Variants in HIBADH observed in about 807,000 individuals in gnomAD.
The protein encoded by HIBADH is 3-hydroxyisobutyrate dehydrogenase.
Under a neutral mutation model 36.1 loss-of-function variants are expected in HIBADH, and 25 were observed. The ratio of observed to expected loss-of-function variants is 0.69; its 90% confidence interval spans 0.50 to 0.97. The LOEUF (loss-of-function observed/expected upper bound fraction) is 0.97, where lower values mean the gene tolerates loss of function less well. Among genes scored for constraint, HIBADH ranks in the 50% least tolerant of loss-of-function variants. HIBADH has a pLI of 0.00. For synonymous variants in HIBADH, 160 were observed against 149.5 expected (o/e 1.07, Z -0.51); for missense variants, 421 against 418.0 (o/e 1.01, Z -0.06).
chr7:27,609,832 T>A (rs1473441538), intron 4 of HIBADH, among the ~76,000 whole-genome samples: 1 of 152,084 alleles, frequency 6.6e-6, no homozygotes, highest in Non-Finnish European at 1.5e-5. Flanking sequence ...TTTATTTATT[T>A]TTTGAGACAG....
At chr7:27,602,399 A>G (rs975918963) in intron 4 of HIBADH, among the ~76,000 whole-genome samples, 1 of 152,168 alleles carries the variant, frequency 6.6e-6, no homozygotes, top group Non-Finnish European at 1.5e-5. Context: ...CTCCGTTAAG[A>G]CTATCAGATT....
chr7:27,655,622 T>C (rs944162383), intron 1 of HIBADH, among the ~76,000 whole-genome samples: 2 of 152,142 alleles, frequency 1.3e-5, no homozygotes, highest in Non-Finnish European at 2.9e-5. Flanking sequence ...AAAAACACTC[T>C]AACACATGAC....
intron 4 of HIBADH, among the ~76,000 whole-genome samples, chr7:27,576,906 T>C (rs1784718938): frequency 6.6e-6 from 1 of 152,198 alleles, no homozygotes; most frequent in African/African-American, 2.4e-5. Context: ...ACAATTGTCA[T>C]GCTACTATCT....
chr7:27,623,422 G>T (rs1437198737), intron 4 of HIBADH, among the ~76,000 whole-genome samples: 1 of 152,126 alleles, frequency 6.6e-6, no homozygotes, highest in Admixed American at 6.5e-5. Context: ...GAAAGAGAAA[G>T]AAATAAAAGT....
At position 27,592,023 on chromosome 7, in the gene HIBADH, TTG is replaced by T. The variant is rs1421567257; in HGVS notation, c.484+37346_484+37347del. ...AAACTTCCATATTTAAGCAAAAACA[TTG>T]TGTTATTTCACATTTCTGTATCTTT... On this transcript the variant is annotated intron_variant, in intron 4 of 7. Coordinates refer to ENST00000265395, the MANE Select transcript of HIBADH (RefSeq NM_152740.4). 5.3e-5 allele frequency among the ~76,000 whole-genome samples: 8 copies of T among 152,314 alleles called. No individual in the cohort carries two copies. In the East Asian group the frequency reaches 1.2e-3, roughly 22 times the overall value.
chr7:27,566,467 T>C (rs544971361), intron 4 of HIBADH, among the ~76,000 whole-genome samples: 1 of 152,270 alleles, frequency 6.6e-6, no homozygotes, highest in South Asian at 2.1e-4. Context: ...AATTTGTGTC[T>C]TATTTTTTGG....
chr7:27,554,216 C>T (rs1167151497), intron 4 of HIBADH, among the ~76,000 whole-genome samples: 1 of 152,166 alleles, frequency 6.6e-6, no homozygotes, highest in Non-Finnish European at 1.5e-5. Context: ...GAACTCCTGA[C>T]CTCAGGTGAT....
At chr7:27,526,532 T>C (rs1783901095) in intron 7 of HIBADH, among the ~76,000 whole-genome samples, 160 bp from the exon 8 acceptor site, 1 of 152,200 alleles carries the variant, frequency 6.6e-6, no homozygotes, top group African/African-American at 2.4e-5. Context: ...ATAAGCGCTT[T>C]CATATAACTG....
At chr7:27,637,246 G>C (rs1583612522) in intron 2 of HIBADH, among the ~76,000 whole-genome samples, 3 of 152,256 alleles carry the variant, frequency 2.0e-5, no homozygotes, top group East Asian at 3.9e-4. Context: ...TAAGTAATCT[G>C]AAGTCACACA....
intron 1 of HIBADH, among the ~76,000 whole-genome samples, chr7:27,661,879 G>T (rs1442369563): frequency 6.6e-6 from 1 of 152,046 alleles, no homozygotes; most frequent in Non-Finnish European, 1.5e-5. Flanking sequence ...GGTCTTGCTG[G>T]GAATATCCTG....
At chr7:27,551,058 C>A (rs1372026875) in intron 4 of HIBADH, among the ~76,000 whole-genome samples, 1 of 152,054 alleles carries the variant, frequency 6.6e-6, no homozygotes, top group African/African-American at 2.4e-5. Flanking sequence ...CTCAGTTTGG[C>A]CAATCTACAA....
chr7:27,620,522 C>T (rs1039865268), intron 4 of HIBADH, among the ~76,000 whole-genome samples: 1 of 151,684 alleles, frequency 6.6e-6, no homozygotes, highest in Non-Finnish European at 1.5e-5. Context: ...AAAAAAAAAC[C>T]CTGGCAGCCA....
chr7:27,620,554 T>C (rs981970999), intron 4 of HIBADH, among the ~76,000 whole-genome samples: 4 of 149,392 alleles, frequency 2.7e-5, no homozygotes, highest in African/African-American at 9.8e-5. Context: ...TCCAACAAAA[T>C]TACTGTTCAC....
intron 2 of HIBADH, among the ~76,000 whole-genome samples, chr7:27,643,182 G>A (rs575637594): frequency 1.3e-5 from 2 of 152,284 alleles, no homozygotes; most frequent in South Asian, 2.1e-4. Context: ...GAAAGTTCTC[G>A]AGAAACATCT....
At chr7:27,575,341 A>G (rs529700901) in intron 4 of HIBADH, among the ~76,000 whole-genome samples, 1 of 152,326 alleles carries the variant, frequency 6.6e-6, no homozygotes, top group South Asian at 2.1e-4. Context: ...GACTTGAGTA[A>G]ATAAGGTAAA....
At chr7:27,654,475 A>C (rs1786257547) in intron 1 of HIBADH, among the ~76,000 whole-genome samples, 1 of 152,200 alleles carries the variant, frequency 6.6e-6, no homozygotes, top group Non-Finnish European at 1.5e-5. Flanking sequence ...GAAAAAGGAC[A>C]CACTATGTAG....
chr7:27,661,092 C>T (rs1174061518), intron 1 of HIBADH, among the ~76,000 whole-genome samples: 1 of 152,132 alleles, frequency 6.6e-6, no homozygotes, highest in African/African-American at 2.4e-5. Context: ...TCTCAAAAGT[C>T]GGAAGCATTT....
chr7:27,526,075 T>G lies in HIBADH; in HGVS notation c.*139A>C, dbSNP rs1783891404. 1.6e-6 allele frequency: 1 copy of G among 627,698 alleles called. No individual in the cohort carries two copies. The highest frequency in any genetic ancestry group is 2.4e-6 in the Non-Finnish European group (1 of 424,240). 38.9% of individuals were successfully genotyped at this position (627,698 alleles called of 1,614,324 possible). On this transcript the variant is annotated 3_prime_UTR_variant, in exon 8 of 8. Transcript: ENST00000265395. ...GACAAAAAGAATAAGCGGTGAAAAA[T>G]CCTAGGGATTACTGTGACCTAGACA...
chr7:27,526,040 T>C lies in HIBADH; in HGVS notation c.*174A>G, dbSNP rs1043070885. The C allele has an allele frequency of 6.2e-6, 3 of 481,638 alleles. No individual in the cohort carries two copies. Among genetic ancestry groups the C allele is most frequent in the African/African-American group, 4.0e-5 (2 of 50,012 alleles). The allele number at this position is 481,638 out of a possible 1,614,324, so 29.8% of individuals were successfully genotyped here. A position where few individuals can be genotyped will look rare whatever the true frequency, so the allele number is the denominator to read the frequency against. ...CAGAAAAAAAATTCGGATAATATGT[T>C]TGTTAAAAAGACAAAAAGAATAAGC... On this transcript the variant is annotated 3_prime_UTR_variant, in exon 8 of 8. Transcript: ENST00000265395.
Sources: allele counts gnomAD v4.1 joint callset (sites outside exome capture counted in the v4.1 genomes callset), GRCh38; gene constraint gnomAD v4.1.1; transcripts MANE v1.5; gene names NCBI Gene and HGNC (gene_info 2026-07-23, HGNC 2026-07-21).